The following GNLY variants were observed in gnomAD, a reference collection of about 807,000 sequenced individuals.
GNLY encodes the protein granulysin.
Under a neutral mutation model 18.5 loss-of-function variants are expected in GNLY, and 15 were observed. The ratio of observed to expected loss-of-function variants is 0.81; its 90% CI spans 0.54 to 1.25. The LOEUF (loss-of-function observed/expected upper bound fraction) is 1.25. GNLY is among the 50% of genes most tolerant of loss of function. GNLY has a pLI of 0.00. For synonymous variants in GNLY, 77 were observed against 74.9 expected (o/e 1.03, Z -0.14); for missense variants, 178 against 186.9 (o/e 0.95, Z 0.28).
chr2:85,694,476 G>T lies in GNLY; in HGVS notation c.52+6G>T, dbSNP rs545526414. 2.0e-5 allele frequency: 32 copies of T among 1,613,674 alleles called. No homozygotes were observed. Among genetic ancestry groups the T allele is most frequent in the Non-Finnish European group, 2.6e-5 (31 of 1,179,670 alleles). On this transcript the variant is annotated splice_donor_region_variant and intron_variant, in intron 1 of 4. Transcript: ENST00000263863. ...CATGCTCCTGGGCAACCCAGGTAAG[G>T]CCTTCCCCTCGGGATCGATCCTGAT...
In GNLY at chr2:85,698,599, G is replaced by T. The variant is rs1366897422; in HGVS notation, c.*25G>T. The T allele has an allele frequency of 1.2e-6, 2 of 1,613,564 alleles. No individual in the cohort carries two copies. The highest frequency in any genetic ancestry group is 1.7e-6 in the Non-Finnish European group (2 of 1,179,800). ...AGCCCTCTCACCTTGTCCTGTGGAA[G>T]AAGCACAGGCTCCTGTCCTCAGATC... On this transcript the variant is annotated 3_prime_UTR_variant, in exon 5 of 5. Coordinates refer to ENST00000263863, the MANE Select transcript of GNLY (RefSeq NM_006433.5).
intron 3 of GNLY, chr2:85,697,258 A>C: frequency 2.1e-6 from 1 of 486,828 alleles, no homozygotes; most frequent in Non-Finnish European, 3.7e-6. Flanking sequence ...CAGGTGCACA[A>C]GGCGCTGAGA....
chr2:85,694,616 C>T, intron 1 of GNLY, 146 bp downstream of exon 1: 2 of 1,016,532 alleles, frequency 2.0e-6, no homozygotes, highest in Middle Eastern at 3.2e-4. Flanking sequence ...GCCTGGCCTC[C>T]CCTCAGAGCC....
At position 85,695,336 on chromosome 2, in the gene GNLY, T is replaced by C. The variant is rs1678397356; in HGVS notation, c.69T>C (p.Arg23=). 1 of 1,611,594 alleles carries C rather than the reference T, an allele frequency of 6.2e-7. No individual in the cohort carries two copies. The highest frequency in any genetic ancestry group is 1.7e-5 in the Admixed American group (1 of 60,026). The change falls in exon 2 of 5, where the codon CGT becomes CGC. Residue 23 remains arginine, a synonymous_variant. Transcript: ENST00000263863. ...CTTCCTCAGGTCTGGTCTTCTCTCGTCTGAGCCCTGAGTACTACGACCTGG... is the reference window on the plus strand; with the variant it reads ...CTTCCTCAGGTCTGGTCTTCTCTCGCCTGAGCCCTGAGTACTACGACCTGG... ...LLGNPGLVFS[R]LSPEYYDLAR... is the part of the protein sequence containing the mutation.
chr2:85,696,209 GTGGATGAATT>G (rs1678444478), intron 3 of GNLY, 153 bp downstream of exon 3: 5 of 599,740 alleles, frequency 8.3e-6, no homozygotes, highest in Non-Finnish European at 3.0e-6. Context: ...CCGTGTGTCT[GTGGATGAATT>G]TCAGAGAACT....
Position 85,695,160 on chromosome 2 carries a change from C to A in GNLY, c.53-160C>A, listed in dbSNP as rs1349600392. ...TGTTTGTGCTGAGAGTGGGTCAGAG[C>A]GGCTCCAGGGCAAAGCATGTGGACA... On this transcript the variant is annotated intron_variant, in intron 1 of 4. Transcript: ENST00000263863. 8 of 847,506 alleles carry A rather than the reference C, an allele frequency of 9.4e-6. No homozygotes were observed. In the East Asian group the frequency reaches 2.1e-4, roughly 22 times the overall value. 52.5% of individuals were successfully genotyped at this position (847,506 alleles called of 1,614,324 possible).
At chr2:85,697,399 T>A (rs1573495374) in intron 3 of GNLY, 107 bp from the exon 4 acceptor site, 2 of 965,628 alleles carry the variant, frequency 2.1e-6, no homozygotes, top group East Asian at 4.8e-5. Context: ...AGGTGCCAGC[T>A]CCTCGCACCC....
intron 4 of GNLY, 134 bp from the exon 5 acceptor site, chr2:85,698,430 T>C: frequency 6.7e-7 from 1 of 1,487,248 alleles, no homozygotes; most frequent in East Asian, 2.3e-5. Context: ...CCGACTGGCT[T>C]CCAGGATGTG....
intron 4 of GNLY, 114 bp from the exon 5 acceptor site, chr2:85,698,450 G>A (rs1678545760): frequency 6.3e-7 from 1 of 1,585,196 alleles, no homozygotes; most frequent in Non-Finnish European, 8.6e-7. Context: ...GCCTCTGGGT[G>A]TGTTCAGTAG....
chr2:85,696,418 C>G (rs1678452759), intron 3 of GNLY: 1 of 197,990 alleles, frequency 5.1e-6, no homozygotes, highest in Non-Finnish European at 1.0e-5. Context: ...CTGATAAATC[C>G]CAGATCTGCT....
Position 85,694,880 on chromosome 2 carries a change from C to T in GNLY, c.52+410C>T, listed in dbSNP as rs1177582737. 6 of 1,543,788 alleles carry T rather than the reference C, an allele frequency of 3.9e-6. No individual in the cohort carries two copies. The Admixed American group carries it at 9.9e-5, about 26-fold the overall frequency. ...AACAAGATCTCTTCTGTGTTCAAGG[C>T]AGACTTCCTGCCCCCTGCACCCTGC... On this transcript the variant is annotated intron_variant, in intron 1 of 4. Transcript: ENST00000263863.
At chr2:85,694,700 C>A in intron 1 of GNLY, 1 of 1,411,836 alleles carries the variant, frequency 7.1e-7, no homozygotes. Context: ...GGATTCTGGT[C>A]CTAACTCTAC....
At position 85,697,355 on chromosome 2, in the gene GNLY, C is replaced by T. The variant is rs1047970205; in HGVS notation, c.256-151C>T. On this transcript the variant is annotated intron_variant, in intron 3 of 4. Transcript: ENST00000263863. The stretch of plus-strand genomic sequence containing the variant: ...TTGGGGACTGGGAGTAGGGGCTGAG[C>T]CCCGTCTGTACAGTCTCTGGCCCCA... 7.4e-5 allele frequency: 50 copies of T among 676,366 alleles called. 1 individual carries two copies. Among genetic ancestry groups the T allele is most frequent in the Admixed American group, 2.7e-4 (10 of 36,950 alleles). 41.9% of individuals were successfully genotyped at this position (676,366 alleles called of 1,614,324 possible). A position where few individuals can be genotyped will look rare whatever the true frequency, so the allele number is the denominator to read the frequency against.
intron 2 of GNLY, 74 bp from the exon 3 acceptor site, chr2:85,695,884 G>T (rs981781292): frequency 2.5e-6 from 2 of 796,624 alleles, no homozygotes; most frequent in South Asian, 1.5e-5. Flanking sequence ...AACACAAAGG[G>T]CCCCTTTCCT....
chr2:85,697,508 A>T lies in GNLY; in HGVS notation c.258A>T (p.Arg86Ser), dbSNP rs779938064. ...CCACTGTGGTGCTGCTGCTGCAGAG[A>T]AGTGTTTCCAATGCTGCGACCCGGG... Reference protein sequence around the residue: ...LKKMVDKPTQRSVSNAATRVC... With the variant: ...LKKMVDKPTQSSVSNAATRVC... The change falls in exon 4 of 5, where the codon AGA becomes AGT. Residue 86 changes from arginine (R) to serine (S), a missense_variant and splice_region_variant. Coordinates refer to ENST00000263863, the MANE Select transcript of GNLY (RefSeq NM_006433.5). The T allele has an allele frequency of 1.9e-6, 3 of 1,612,070 alleles. No homozygotes were observed. Among genetic ancestry groups the T allele is most frequent in the Non-Finnish European group, 2.5e-6 (3 of 1,179,686 alleles).
rs1266365841 is a variant in GNLY, at chr2:85,698,656, C to T, written c.*82C>T. On this transcript the variant is annotated 3_prime_UTR_variant, in exon 5 of 5. Coordinates refer to ENST00000263863, the MANE Select transcript of GNLY (RefSeq NM_006433.5). ...ACCTCAGCAACCTCTGCCGGCTCCT[C>T]GCTTCCTCGATCCAGAATCCACTCT... The T allele has an allele frequency of 6.8e-6, 11 of 1,610,690 alleles. No individual in the cohort carries two copies. The highest frequency in any genetic ancestry group is 8.5e-6 in the Non-Finnish European group (10 of 1,178,818).
intron 3 of GNLY, 178 bp downstream of exon 3, chr2:85,696,234 A>T: frequency 1.7e-6 from 1 of 593,474 alleles, no homozygotes; most frequent in Non-Finnish European, 3.0e-6. Flanking sequence ...AGAACTTGTG[A>T]AATTGTGACT....
At position 85,698,684 on chromosome 2, in the gene GNLY, A is replaced by G; in HGVS notation, c.*110A>G. 4 of 1,604,536 alleles carry G rather than the reference A, an allele frequency of 2.5e-6. No individual in the cohort carries two copies. Among genetic ancestry groups the G allele is most frequent in the Non-Finnish European group, 3.4e-6 (4 of 1,177,748 alleles). On this transcript the variant is annotated 3_prime_UTR_variant, in exon 5 of 5. Coordinates refer to ENST00000263863, the MANE Select transcript of GNLY (RefSeq NM_006433.5). ...TTCCTCGATCCAGAATCCACTCTCC[A>G]GTCTCCCTCCCCTGACTCCCTCTGC...
chr2:85,698,286 G>A, intron 4 of GNLY: 1 of 669,144 alleles, frequency 1.5e-6, no homozygotes, highest in South Asian at 1.5e-5. Flanking sequence ...GGGCCTCGGT[G>A]ATTGGCTCTG....
Sources: allele counts gnomAD v4.1 joint callset, GRCh38; gene constraint gnomAD v4.1.1; transcripts MANE v1.5; gene names NCBI Gene and HGNC (gene_info 2026-07-23, HGNC 2026-07-21).